CLBA1: variants seen among roughly 807,000 people sequenced by gnomAD.
The protein encoded by CLBA1 is clathrin binding box of aftiphilin containing 1, also known as uncharacterized protein CLBA1.
In CLBA1, 30 loss-of-function variants were observed where a neutral mutation model predicts 28.8. The ratio of observed to expected loss-of-function variants is 1.04; its 90% CI spans 0.78 to 1.41. The LOEUF (loss-of-function observed/expected upper bound fraction) is 1.41, where lower values mean the gene tolerates loss of function less well. Among genes scored for constraint, CLBA1 ranks in the 40% most tolerant of loss-of-function variants. The pLI, the probability that CLBA1 is intolerant of heterozygous loss-of-function variation, is 0.00. For synonymous variants in CLBA1, 160 were observed against 152.8 expected, an observed-to-expected ratio of 1.05 and a Z score of -0.35; for missense variants, 451 against 412.3, an observed-to-expected ratio of 1.09 and a Z score of -0.81.
At chr14:104,991,222 C>A (rs1190985567) in intron 2 of CLBA1, 4 of 287,774 alleles carry the variant, frequency 1.4e-5, no homozygotes, top group Non-Finnish European at 2.7e-5. Flanking sequence ...GACGGGGTTT[C>A]ACTATGTTGG....
chr14:104,994,848 T>G lies in CLBA1; in HGVS notation c.*89T>G. On this transcript the variant is annotated 3_prime_UTR_variant, in exon 5 of 5. Coordinates refer to ENST00000547315, the MANE Select transcript of CLBA1 (RefSeq NM_174891.4). ...GAAACCAGAGCTGTCTGTGGAGCTG[T>G]TTTCCAGACCCCAGGCCCATTCCTG... 1.3e-6 allele frequency: 2 copies of G among 1,511,768 alleles called. No homozygotes were observed. The highest frequency in any genetic ancestry group is 2.1e-4 in the Middle Eastern group (1 of 4,736). The allele number at this position is 1,511,768 out of a possible 1,614,324, so 93.6% of individuals were successfully genotyped here.
chr14:104,994,659 C>A lies in CLBA1; in HGVS notation c.878C>A (p.Thr293Asn). 6.2e-7 allele frequency: 1 copy of A among 1,613,968 alleles called. No homozygotes were observed. Among genetic ancestry groups the A allele is most frequent in the Non-Finnish European group, 8.5e-7 (1 of 1,179,984 alleles). The change falls in exon 5 of 5, where the codon ACC becomes AAC. Residue 293 changes from threonine to asparagine, a missense_variant. Physicochemically the swap from Thr to Asn is moderately conservative, Grantham distance 65. Transcript: ENST00000547315. Reference protein sequence around the residue: ...RLMTCSRFLKTPSCGGGQHIT... With the variant: ...RLMTCSRFLKNPSCGGGQHIT... Reference sequence around the variant, plus strand: ...ATGACATGCAGCCGCTTCCTGAAGACCCCCTCATGCGGAGGTGGCCAGCAC... The same window carrying A: ...ATGACATGCAGCCGCTTCCTGAAGAACCCCTCATGCGGAGGTGGCCAGCAC...
rs530765259 is a variant in CLBA1 at position 104,986,263 on chromosome 14, G to A, written c.-169G>A. ...GTTTGTGTCAGTTCCACAGCAGCAC[G>A]TGGGCACTTTCCACCGTCAGCCACT... is the stretch of plus-strand genomic sequence containing the variant. On this transcript the variant is annotated 5_prime_UTR_variant, in exon 1 of 5. In the 5' UTR this introduces an upstream ATG that the reference lacks. Coordinates refer to ENST00000547315, the MANE Select transcript of CLBA1 (RefSeq NM_174891.4). 2 of 662,156 alleles carry A rather than the reference G, an allele frequency of 3.0e-6. No homozygotes were observed. The highest frequency in any genetic ancestry group is 2.7e-5 in the East Asian group (1 of 36,564). 41.0% of individuals were successfully genotyped at this position (662,156 alleles called of 1,614,324 possible).
intron 4 of CLBA1, chr14:104,994,231 G>A: frequency 3.0e-6 from 3 of 985,478 alleles, no homozygotes; most frequent in Non-Finnish European, 3.6e-6. Flanking sequence ...GCTGTTTGGG[G>A]GAAGTCTGTG....
downstream of CLBA1, among the ~76,000 whole-genome samples, chr14:104,996,325 C>T (rs1900154607): frequency 6.6e-6 from 1 of 152,232 alleles, no homozygotes; most frequent in Admixed American, 6.5e-5. Context: ...AGGCGACGTA[C>T]ATGCAAACCA....
downstream of CLBA1, among the ~76,000 whole-genome samples, chr14:105,000,302 T>G (rs1336876801): frequency 1.3e-5 from 2 of 150,504 alleles, no homozygotes; most frequent in African/African-American, 5.0e-5. Flanking sequence ...TTTTTTTTTT[T>G]GCTGTGTCGC....
downstream of CLBA1, among the ~76,000 whole-genome samples, chr14:104,999,028 C>T (rs765672626): frequency 3.3e-5 from 5 of 152,252 alleles, no homozygotes; most frequent in Admixed American, 2.6e-4. Context: ...CTGCCCACCT[C>T]GGCCTCAGAT....
downstream of CLBA1, chr14:104,999,344 G>T: frequency 1.4e-5 from 9 of 624,228 alleles, no homozygotes; most frequent in Non-Finnish European, 1.6e-5. Flanking sequence ...AGAGGCCAGG[G>T]ACATGGCCTT....
Position 104,986,448 on chromosome 14 carries a change from A to G in CLBA1, c.17A>G (p.Glu6Gly). The change falls in exon 1 of 5, where the codon GAG (glutamate) becomes GGG (glycine). Residue 6 changes from glutamate to glycine, a missense_variant. Transcript: ENST00000547315. MQGRR[E>G]LGGEPLSDLQ... is the part of the protein sequence containing the mutation. The stretch of plus-strand genomic sequence containing the variant: ...GGCTCCAAGATGCAAGGCCGGCGGG[A>G]GCTGGGGGGAGAGCCTTTGAGTGAC... 1 of 1,612,278 alleles carries G rather than the reference A, an allele frequency of 6.2e-7. No homozygotes were observed. Among genetic ancestry groups the G allele is most frequent in the Non-Finnish European group, 8.5e-7 (1 of 1,179,820 alleles).
intron 3 of CLBA1, among the ~76,000 whole-genome samples, chr14:104,992,431 G>A (rs1325693087): frequency 6.6e-6 from 1 of 152,268 alleles, no homozygotes; most frequent in Non-Finnish European, 1.5e-5. Context: ...AACTCAAAAA[G>A]GGCCAGCCAG....
At chr14:104,994,457 T>C in intron 4 of CLBA1, 141 bp from the exon 5 acceptor site, 4 of 1,416,256 alleles carry the variant, frequency 2.8e-6, no homozygotes, top group Non-Finnish European at 3.7e-6. Flanking sequence ...TGACATCCCA[T>C]GATGAGAAGG....
At chr14:104,990,077 CTG>C (rs1012016411) in intron 2 of CLBA1, 19 of 193,510 alleles carry the variant, frequency 9.8e-5, no homozygotes, top group African/African-American at 1.6e-4. Context: ...TGGGGAAAAA[CTG>C]TGGAGAATGT....
rs144282631 is a variant in CLBA1 at position 104,986,294 on chromosome 14, G to T, written c.-138G>T. ...ACTTTCCACCGTCAGCCACTGGGCA[G>T]CCCGGGGCACTCCTGCAGCGTCCCC... On this transcript the variant is annotated 5_prime_UTR_variant, in exon 1 of 5. Coordinates refer to ENST00000547315, the MANE Select transcript of CLBA1 (RefSeq NM_174891.4). 3,452 of 882,270 alleles carry T rather than the reference G, an allele frequency of 3.9e-3. 92 individuals are homozygous for T. The African/African-American group carries it at 0.051, about 13-fold the overall frequency. The allele number at this position is 882,270 out of a possible 1,614,324, so 54.7% of individuals were successfully genotyped here. A position where few individuals can be genotyped will look rare whatever the true frequency, so the allele number is the denominator to read the frequency against.
intron 4 of CLBA1, chr14:104,993,590 AGAG>A (rs1900096284): frequency 2.0e-6 from 2 of 985,346 alleles, no homozygotes; most frequent in Non-Finnish European, 2.4e-6. Flanking sequence ...TCAAGGCAGA[AGAG>A]GAGATGGGCA....
At chr14:104,991,743 C>A in intron 3 of CLBA1, 123 bp downstream of exon 3, 3 of 1,216,230 alleles carry the variant, frequency 2.5e-6, no homozygotes, top group Non-Finnish European at 3.4e-6. Context: ...TGGGTTAAAG[C>A]CACTAGGTGG....
At chr14:104,988,888 A>T (rs577571539) in intron 1 of CLBA1, 55 bp from the exon 2 acceptor site, 1 of 1,487,000 alleles carries the variant, frequency 6.7e-7, no homozygotes. Flanking sequence ...GAATAAGGTA[A>T]CGTTATGTAT....
At chr14:104,993,911 T>C in intron 4 of CLBA1, 1 of 985,394 alleles carries the variant, frequency 1.0e-6, no homozygotes, top group Non-Finnish European at 1.2e-6. Flanking sequence ...GACCTGAGAC[T>C]GAGCTGGGAC....
At chr14:104,989,415 TG>T (rs760498922) in intron 2 of CLBA1, 2 of 392,230 alleles carry the variant, frequency 5.1e-6, no homozygotes, top group Non-Finnish European at 1.0e-5. Context: ...CTGGTGGGCC[TG>T]GGCAGTGGGC....
downstream of CLBA1, among the ~76,000 whole-genome samples, chr14:105,000,176 G>T (rs1900239564): frequency 6.6e-6 from 1 of 152,154 alleles, no homozygotes; most frequent in Admixed American, 6.6e-5. Context: ...CTGATAAGGG[G>T]TTAATATCCA....
Sources: allele counts gnomAD v4.1 joint callset (sites outside exome capture counted in the v4.1 genomes callset), GRCh38; gene constraint gnomAD v4.1.1; transcripts MANE v1.5; gene names NCBI Gene and HGNC (gene_info 2026-07-23, HGNC 2026-07-21).